Variants in SYN3 observed in about 807,000 individuals in gnomAD.
The protein encoded by SYN3 is synapsin-3.
SYN3 carries 35 observed loss-of-function variants against 65.8 expected under a neutral mutation model. The observed-to-expected ratio is 0.53, with a 90% CI of 0.41 to 0.70. The LOEUF (loss-of-function observed/expected upper bound fraction) is 0.70, where lower values mean the gene tolerates loss of function less well. SYN3 is among the 30% of genes least tolerant of loss of function. SYN3 has a pLI of 0.00. For synonymous variants in SYN3, 270 were observed against 292.9 expected, an observed-to-expected ratio of 0.92 and a Z score of 0.80; for missense variants, 680 against 749.0, an observed-to-expected ratio of 0.91 and a Z score of 1.08.
At position 32,596,701 on chromosome 22, in the gene SYN3, C is replaced by T; in HGVS notation, c.747G>A (p.Leu249=). Residue 249 remains leucine, a synonymous_variant, in exon 7 of 14, where the codon CTG becomes CTA. Coordinates refer to ENST00000358763, the MANE Select transcript of SYN3 (RefSeq NM_003490.4). ...TTCCCATTCCAGCGTGGGCATGTCC[C>T]AGCTTGACTACCACCGGGAAGTGTG... ...TAPHFPVVVK[L]GHAHAGMGKI... The T allele has an allele frequency of 6.2e-7, 1 of 1,613,988 alleles. No individual in the cohort carries two copies.
chr22:32,799,068 A>C (rs1228983625), intron 6 of SYN3, among the ~76,000 whole-genome samples: 4 of 152,166 alleles, frequency 2.6e-5, no homozygotes, highest in Non-Finnish European at 5.9e-5. Flanking sequence ...CAATTCTTAC[A>C]TATTATTAGG....
Position 32,511,940 on chromosome 22 carries a change from C to T in SYN3, c.*1752G>A, listed in dbSNP as rs1481234023. Among the ~76,000 whole-genome samples the T allele has an allele frequency of 6.6e-6, 1 of 152,176 alleles. No homozygotes were observed. The highest frequency in any genetic ancestry group is 1.5e-5 in the Non-Finnish European group (1 of 68,038). On this transcript the variant is annotated 3_prime_UTR_variant, in exon 14 of 14. Transcript: ENST00000358763. ...AGAGGGCAATGTGAAGAGGACTGTC[C>T]TAAAGGCCAAGTGGCTTTCTGGCAG... is the stretch of plus-strand genomic sequence containing the variant.
chr22:32,696,300 A>T (rs1302264593), intron 6 of SYN3, among the ~76,000 whole-genome samples: 2 of 152,206 alleles, frequency 1.3e-5, no homozygotes, highest in Non-Finnish European at 2.9e-5. Context: ...TTGAGAACTC[A>T]TCACATGGCT....
intron 4 of SYN3, among the ~76,000 whole-genome samples, chr22:32,923,632 C>T (rs942284841): frequency 1.3e-5 from 2 of 152,226 alleles, no homozygotes; most frequent in Non-Finnish European, 2.9e-5. Context: ...GAGACCATAG[C>T]TAGGACTTGT....
At chr22:32,720,582 G>T (rs563014171) in intron 6 of SYN3, among the ~76,000 whole-genome samples, 1 of 152,304 alleles carries the variant, frequency 6.6e-6, no homozygotes, top group South Asian at 2.1e-4. Flanking sequence ...TCCAAATAGT[G>T]TTATTTTCAC....
intron 7 of SYN3, among the ~76,000 whole-genome samples, chr22:32,570,426 G>A (rs1045309914): frequency 1.3e-5 from 2 of 152,190 alleles, no homozygotes; most frequent in African/African-American, 2.4e-5. Context: ...GGTCTAGAGC[G>A]TTGTGCTGAG....
chr22:32,609,080 T>C (rs1265140170), intron 6 of SYN3, among the ~76,000 whole-genome samples: 1 of 152,098 alleles, frequency 6.6e-6, no homozygotes, highest in African/African-American at 2.4e-5. Flanking sequence ...ATCCCAGCAC[T>C]TTGGGAGGCC....
intron 6 of SYN3, among the ~76,000 whole-genome samples, chr22:32,616,304 C>T (rs1454710010): frequency 1.3e-5 from 2 of 152,166 alleles, no homozygotes; most frequent in African/African-American, 4.8e-5. Flanking sequence ...CAGGAAACTT[C>T]CAGGGTCTCT....
At chr22:32,944,718 A>T (rs1340186971) in intron 3 of SYN3, among the ~76,000 whole-genome samples, 2 of 152,202 alleles carry the variant, frequency 1.3e-5, no homozygotes, top group Admixed American at 6.5e-5. Context: ...AGAAAGAAAT[A>T]AAGGGCATTC....
At position 32,512,013 on chromosome 22, in the gene SYN3, T is replaced by C. The variant is rs908027076; in HGVS notation, c.*1679A>G. Among the ~76,000 whole-genome samples, 1 of 152,198 alleles carries C rather than the reference T, an allele frequency of 6.6e-6. No individual in the cohort carries two copies. The highest frequency in any genetic ancestry group is 6.5e-5 in the Admixed American group (1 of 15,282). On this transcript the variant is annotated 3_prime_UTR_variant, in exon 14 of 14. Transcript: ENST00000358763. ...CAATACTGACCCAGTCTCCAGCCAATAGCCCGTCAAAAGCCAGCTTGAAGG... is the reference window on the plus strand; with the variant it reads ...CAATACTGACCCAGTCTCCAGCCAACAGCCCGTCAAAAGCCAGCTTGAAGG...
intron 6 of SYN3, among the ~76,000 whole-genome samples, chr22:32,603,782 C>T (rs16990827): frequency 0.14 from 20,661 of 152,128 alleles, 1,606 homozygotes; most frequent in South Asian, 0.32. Context: ...TTATTTAGTT[C>T]CCCTGGGGAT....
chr22:32,613,550 G>A (rs200621848), intron 6 of SYN3, among the ~76,000 whole-genome samples: 13 of 151,852 alleles, frequency 8.6e-5, no homozygotes, highest in South Asian at 2.1e-4. Flanking sequence ...TTATTTCCAC[G>A]TTTATTTGAG....
chr22:33,053,419 C>T (rs200171826), intron 1 of SYN3, among the ~76,000 whole-genome samples: 2 of 152,064 alleles, frequency 1.3e-5, no homozygotes, highest in South Asian at 2.1e-4. Context: ...AGCGAGACTC[C>T]GTTTCAAAAA....
Position 32,877,727 on chromosome 22 carries a change from G to A in SYN3, c.462-8602C>T, listed in dbSNP as rs533734140. Among the ~76,000 whole-genome samples, 8 of 151,988 alleles carry A rather than the reference G, an allele frequency of 5.3e-5. No individual in the cohort carries two copies. The East Asian group carries it at 1.6e-3, about 30-fold the overall frequency. ...CCGCAAACCCTTTCCACCTTGCCTC[G>A]AAGACACCCTCCGCCCTTGCTTCCC... is the stretch of plus-strand genomic sequence containing the variant. On this transcript the variant is annotated intron_variant, in intron 4 of 13. Coordinates refer to ENST00000358763, the MANE Select transcript of SYN3 (RefSeq NM_003490.4).
At chr22:32,759,301 A>G (rs938964825) in intron 6 of SYN3, among the ~76,000 whole-genome samples, 2 of 152,096 alleles carry the variant, frequency 1.3e-5, no homozygotes, top group Non-Finnish European at 2.9e-5. Context: ...GGAACTGTCA[A>G]TTCCCTCTTG....
At position 32,530,456 on chromosome 22, in the gene SYN3, A is replaced by G. The variant is rs113023040; in HGVS notation, c.1096-1448T>C. Among the ~76,000 whole-genome samples the G allele has an allele frequency of 8.0e-3, 1,216 of 152,238 alleles. 7 individuals are homozygous for G. The highest frequency in any genetic ancestry group is 0.013 in the Non-Finnish European group (867 of 68,012). ...CTCCCACTGCATCAGGCTAATTCCC[A>G]CCAAGCACTGGAACAGCACACCAGG... On this transcript the variant is annotated intron_variant, in intron 10 of 13. Transcript: ENST00000358763.
At chr22:32,711,210 G>A (rs1332248598) in intron 6 of SYN3, among the ~76,000 whole-genome samples, 1 of 152,202 alleles carries the variant, frequency 6.6e-6, no homozygotes, top group Non-Finnish European at 1.5e-5. Context: ...AGGATTTTTT[G>A]AGTGCACATG....
In SYN3 at chr22:33,035,495, C is replaced by T. The variant is rs570535632; in HGVS notation, c.-163+22797G>A. The stretch of plus-strand genomic sequence containing the variant: ...TCAGGCATCTGCAAAGGACTGCCCC[C>T]AAAGATCATTCAAAAGTGACCTTGG... On this transcript the variant is annotated intron_variant, in intron 1 of 13. Transcript: ENST00000358763. Among the ~76,000 whole-genome samples, 15 of 152,264 alleles carry T rather than the reference C, an allele frequency of 9.9e-5. No homozygotes were observed. The South Asian group carries it at 1.0e-3, about 11-fold the overall frequency.
chr22:32,599,705 T>C (rs905438230), intron 6 of SYN3, among the ~76,000 whole-genome samples: 2 of 152,138 alleles, frequency 1.3e-5, no homozygotes, highest in African/African-American at 4.8e-5. Flanking sequence ...ATCTGGGGTG[T>C]AATAAATGCT....
Sources: gnomAD v4.1 joint callset for allele counts (sites outside exome capture counted in the v4.1 genomes callset) on GRCh38, gnomAD v4.1.1 for gene constraint, MANE v1.5 for transcripts, NCBI Gene and HGNC (gene_info 2026-07-23, HGNC 2026-07-21) for gene names.